DAP: variants seen among roughly 807,000 people sequenced by gnomAD.
DAP encodes death-associated protein 1.
DAP carries 8 observed loss-of-function variants against 13.8 expected under a neutral mutation model. The observed-to-expected ratio is 0.58, with a 90% CI of 0.34 to 1.05. DAP has a LOEUF of 1.05. Among genes scored for constraint, DAP ranks in the 50% least tolerant of loss-of-function variants. DAP has a pLI of 0.03. For missense variants in DAP, 106 were observed against 133.2 expected (o/e 0.80, Z 1.01); for synonymous variants, 47 against 47.5 (o/e 0.99, Z 0.04).
chr5:10,731,199 G>A (rs544742514), intron 2 of DAP, among the ~76,000 whole-genome samples: 1 of 116,494 alleles, frequency 8.6e-6, no homozygotes, highest in Non-Finnish European at 1.8e-5. Context: ...GAGCCCTGGT[G>A]GGGGGAATCT....
At chr5:10,735,876 G>A (rs1739598147) in intron 2 of DAP, among the ~76,000 whole-genome samples, 1 of 152,212 alleles carries the variant, frequency 6.6e-6, no homozygotes, top group African/African-American at 2.4e-5. Context: ...GTTGTGGGTT[G>A]AATTTACGTT....
chr5:10,681,952 A>C (rs1225587900), intron 3 of DAP, among the ~76,000 whole-genome samples: 75 of 121,834 alleles, frequency 6.2e-4, no homozygotes, highest in Middle Eastern at 0.015. Context: ...TCCAGGCCAG[A>C]GCCCACCAGC....
chr5:10,724,571 C>T (rs751918771), intron 2 of DAP, among the ~76,000 whole-genome samples: 8 of 152,180 alleles, frequency 5.3e-5, no homozygotes, highest in Non-Finnish European at 1.0e-4. Context: ...AGATTAAATG[C>T]TTTACACACA....
chr5:10,709,689 A>T (rs1384457608), intron 2 of DAP, among the ~76,000 whole-genome samples: 1 of 152,232 alleles, frequency 6.6e-6, no homozygotes, highest in Non-Finnish European at 1.5e-5. Context: ...ACCACATGAC[A>T]GGAAGCCAAG....
chr5:10,721,832 A>G (rs1739151996), intron 2 of DAP, among the ~76,000 whole-genome samples: 1 of 152,244 alleles, frequency 6.6e-6, no homozygotes, highest in African/African-American at 2.4e-5. Flanking sequence ...TTCTTTTGCT[A>G]AAAACATGTT....
At chr5:10,683,674 G>C in intron 2 of DAP, 103 bp from the exon 3 acceptor site, 5 of 1,081,356 alleles carry the variant, frequency 4.6e-6, no homozygotes, top group South Asian at 3.8e-5. Flanking sequence ...GGAGGGCGTG[G>C]AGGCAGAATG....
rs542637139 is a variant in DAP at position 10,729,803 on chromosome 5, C to T, written c.152+18372G>A. On this transcript the variant is annotated intron_variant, in intron 2 of 3. Coordinates refer to ENST00000230895, the MANE Select transcript of DAP (RefSeq NM_004394.3). ...CTTAACAGAAAATTCATCCTTACGG[C>T]GACCCCAAGTTAACAGTGAAGCAGA... 4.6e-5 allele frequency among the ~76,000 whole-genome samples: 7 copies of T among 152,254 alleles called. No individual in the cohort carries two copies. The South Asian group carries it at 1.0e-3, about 23-fold the overall frequency.
At chr5:10,709,336 T>C (rs1365035035) in intron 2 of DAP, among the ~76,000 whole-genome samples, 1 of 152,242 alleles carries the variant, frequency 6.6e-6, no homozygotes, top group African/African-American at 2.4e-5. Context: ...GACTATGCGA[T>C]GCTGCAGCCG....
At chr5:10,685,379 A>G (rs1043274025) in intron 2 of DAP, among the ~76,000 whole-genome samples, 1 of 149,580 alleles carries the variant, frequency 6.7e-6, no homozygotes, top group Admixed American at 6.7e-5. Context: ...GTATAACTGA[A>G]TTCATTTGGA....
chr5:10,708,018 C>T (rs1021224713), intron 2 of DAP, among the ~76,000 whole-genome samples: 32 of 152,080 alleles, frequency 2.1e-4, no homozygotes, highest in African/African-American at 7.2e-4. Flanking sequence ...AGGAATTTCA[C>T]GGGCAATACA....
chr5:10,724,743 A>G (rs1739241768), intron 2 of DAP, among the ~76,000 whole-genome samples: 1 of 152,204 alleles, frequency 6.6e-6, no homozygotes, highest in African/African-American at 2.4e-5. Context: ...CTGCAGAGGA[A>G]ACATTCCTCC....
At chr5:10,714,108 T>C (rs1738922875) in intron 2 of DAP, among the ~76,000 whole-genome samples, 1 of 152,210 alleles carries the variant, frequency 6.6e-6, no homozygotes. Context: ...CATATATGTT[T>C]TGACGTAACA....
In DAP at chr5:10,680,399, C is replaced by T; in HGVS notation, c.*657G>A. 2 of 326,756 alleles carry T rather than the reference C, an allele frequency of 6.1e-6. No homozygotes were observed. Among genetic ancestry groups the T allele is most frequent in the South Asian group, 8.0e-5 (2 of 24,878 alleles). 20.2% of individuals were successfully genotyped at this position (326,756 alleles called of 1,614,324 possible). A position where few individuals can be genotyped will look rare whatever the true frequency, so the allele number is the denominator to read the frequency against. ...CGTGCCGAGATCTCATGCCAGAAGTCCTCCCTCGGAGCTACCTGTCTCCAG... is the reference window on the plus strand; with the variant it reads ...CGTGCCGAGATCTCATGCCAGAAGTTCTCCCTCGGAGCTACCTGTCTCCAG... On this transcript the variant is annotated 3_prime_UTR_variant, in exon 4 of 4. Coordinates refer to ENST00000230895, the MANE Select transcript of DAP (RefSeq NM_004394.3).
chr5:10,694,989 G>A (rs999821509), intron 2 of DAP, among the ~76,000 whole-genome samples: 9 of 152,172 alleles, frequency 5.9e-5, no homozygotes, highest in African/African-American at 1.7e-4. Context: ...CCAGTAAGTC[G>A]ATGGAAAACA....
intron 2 of DAP, among the ~76,000 whole-genome samples, chr5:10,700,711 G>GCCA (rs1429877535): frequency 1.3e-5 from 2 of 152,220 alleles, no homozygotes; most frequent in Non-Finnish European, 2.9e-5. Context: ...AGACCCAGGA[G>GCCA]CCACCACCCA....
rs191597320 is a variant in DAP at position 10,684,867 on chromosome 5, C to T, written c.153-1296G>A. ...CAAGGTCAGCCCAGCTGGGACAGCG[C>T]GATCGATCGGGGACACTCACGGAGG... On this transcript the variant is annotated intron_variant, in intron 2 of 3. Transcript: ENST00000230895. 3.9e-5 allele frequency among the ~76,000 whole-genome samples: 6 copies of T among 152,188 alleles called. No individual in the cohort carries two copies. In the East Asian group the frequency reaches 5.8e-4, roughly 15 times the overall value.
chr5:10,683,423 G>T, intron 3 of DAP, 106 bp downstream of exon 3: 1 of 1,072,544 alleles, frequency 9.3e-7, no homozygotes, highest in Non-Finnish European at 1.5e-6. Context: ...GATGAGCAGT[G>T]GTGCTGGGTT....
chr5:10,732,724 A>G (rs1442185319), intron 2 of DAP, among the ~76,000 whole-genome samples: 15 of 152,232 alleles, frequency 9.9e-5, no homozygotes, highest in Admixed American at 7.8e-4. Context: ...AATGCTGTTT[A>G]GCTTTTTGAG....
intron 2 of DAP, among the ~76,000 whole-genome samples, chr5:10,737,474 C>T (rs1457369889): frequency 6.6e-6 from 1 of 152,130 alleles, no homozygotes; most frequent in Admixed American, 6.5e-5. Context: ...AGGGACACGC[C>T]CCTCTTAAAA....
Sources: gnomAD v4.1 joint callset for allele counts (sites outside exome capture counted in the v4.1 genomes callset) on GRCh38, gnomAD v4.1.1 for gene constraint, MANE v1.5 for transcripts, NCBI Gene and HGNC (gene_info 2026-07-23, HGNC 2026-07-21) for gene names.